DCUN1D5: variants seen among roughly 807,000 people sequenced by gnomAD.
DCUN1D5 encodes DCN1-like protein 5.
A neutral mutation model predicts 38.3 loss-of-function variants in DCUN1D5; 10 were observed. That is an observed-to-expected ratio of 0.26 (90% confidence interval 0.16 to 0.44). The LOEUF (loss-of-function observed/expected upper bound fraction) is 0.44, where lower values mean the gene tolerates loss of function less well. Ranked by LOEUF, DCUN1D5 falls within the 20% of genes least tolerant of loss-of-function variation. The probability of loss-of-function intolerance (pLI) is 1.00; values close to 1 mark genes in which losing one functional copy is unlikely to be tolerated. For synonymous variants in DCUN1D5, 93 were observed against 90.9 expected, an observed-to-expected ratio of 1.02 and a Z score of -0.13; for missense variants, 148 against 275.3, an observed-to-expected ratio of 0.54 and a Z score of 3.27.
At position 103,058,418 on chromosome 11, in the gene DCUN1D5, C is replaced by G. The variant is rs754511432; in HGVS notation, c.*3941G>C. 6.6e-6 allele frequency among the ~76,000 whole-genome samples: 1 copy of G among 152,128 alleles called. No homozygotes were observed. Among genetic ancestry groups the G allele is most frequent in the Admixed American group, 6.5e-5 (1 of 15,268 alleles). ...ATAAATAAATTGTGCTTTAAAAGAT[C>G]TAAAGATTTGTTCCAGTGAAGTACA... On this transcript the variant is annotated 3_prime_UTR_variant, in exon 8 of 8. Transcript: ENST00000260247.
At position 103,059,092 on chromosome 11, in the gene DCUN1D5, T is replaced by A. The variant is rs1482855436; in HGVS notation, c.*3267A>T. ...GATGAATTATCACAATAGTTTTAAG[T>A]ACACTTCTTTAAGAGGGCAGAAGAA... On this transcript the variant is annotated 3_prime_UTR_variant, in exon 8 of 8. Transcript: ENST00000260247. Among the ~76,000 whole-genome samples the A allele has an allele frequency of 1.3e-5, 2 of 152,146 alleles. No individual in the cohort carries two copies. The highest frequency in any genetic ancestry group is 1.9e-4 in the East Asian group (1 of 5,200).
chr11:103,074,515 C>T (rs1333744516), intron 4 of DCUN1D5, among the ~76,000 whole-genome samples: 2 of 152,202 alleles, frequency 1.3e-5, no homozygotes, highest in East Asian at 3.9e-4. Flanking sequence ...AAGCGATTCT[C>T]CTGCCTTAGC....
rs1301161202 is a variant in DCUN1D5 at position 103,052,760 on chromosome 11, G to A, written c.*9599C>T. ...CAAAGATACTTGGAATATTTTTCAT[G>A]TTATTCCAAACACCAACCACTTCTT... On this transcript the variant is annotated 3_prime_UTR_variant, in exon 8 of 8. Transcript: ENST00000260247. 3 of 152,224 alleles carry A rather than the reference G, an allele frequency of 2.0e-5. No individual in the cohort carries two copies. The South Asian group carries it at 6.2e-4, about 32-fold the overall frequency. 9.4% of individuals were successfully genotyped at this position (152,224 alleles called of 1,614,324 possible).
chr11:103,074,107 C>A (rs924994103), intron 4 of DCUN1D5, among the ~76,000 whole-genome samples: 2 of 151,948 alleles, frequency 1.3e-5, no homozygotes, highest in African/African-American at 4.8e-5. Flanking sequence ...AAAGTACACT[C>A]CATAAAAGGA....
Position 103,091,291 on chromosome 11 carries a change from G to A in DCUN1D5, c.86+496C>T, listed in dbSNP as rs1416579771. On this transcript the variant is annotated intron_variant, in intron 1 of 7. Coordinates refer to ENST00000260247, the MANE Select transcript of DCUN1D5 (RefSeq NM_032299.4). The surrounding 1 kb of genome is among the most constrained non-coding windows in gnomAD (Gnocchi z 4.3). ...GGCCACTCCAAATACTAAATATGGA[G>A]GCCAATTATAGCATACAAGTTTTCC... 2.6e-5 allele frequency among the ~76,000 whole-genome samples: 4 copies of A among 152,098 alleles called. No homozygotes were observed. The highest frequency in any genetic ancestry group is 5.9e-5 in the Non-Finnish European group (4 of 68,024).
In DCUN1D5 at chr11:103,073,088, A is replaced by G. The variant is rs1862321525; in HGVS notation, c.342-6521T>C. On this transcript the variant is annotated intron_variant, in intron 4 of 7. Transcript: ENST00000260247. This position sits in a 1 kb window ranked among gnomAD's most constrained non-coding sequence, Gnocchi z 4.2. ...ATAAAAATCAATTGTATTTCTATAT[A>G]TTAGTAATGAACATGTGGACACTAA... 6.6e-6 allele frequency among the ~76,000 whole-genome samples: 1 copy of G among 152,204 alleles called. No individual in the cohort carries two copies. Among genetic ancestry groups the G allele is most frequent in the African/African-American group, 2.4e-5 (1 of 41,456 alleles).
Position 103,059,917 on chromosome 11 carries a change from C to G in DCUN1D5, c.*2442G>C, listed in dbSNP as rs921556994. Among the ~76,000 whole-genome samples, 1 of 152,136 alleles carries G rather than the reference C, an allele frequency of 6.6e-6. No homozygotes were observed. The highest frequency in any genetic ancestry group is 2.4e-5 in the African/African-American group (1 of 41,442). ...GGAAGTAGTTCTGAAAATTTTACAA[C>G]AGGGTTCGTGGGAAGGCACTTAAAG... On this transcript the variant is annotated 3_prime_UTR_variant, in exon 8 of 8. Transcript: ENST00000260247.
Position 103,082,732 on chromosome 11 carries a change from T to A in DCUN1D5, c.341+16A>T. The A allele has an allele frequency of 2.5e-6, 4 of 1,583,820 alleles. 1 individual carries two copies. The South Asian group carries it at 3.4e-5, about 14-fold the overall frequency. Reference sequence around the variant, plus strand: ...CAAATAGGCCATCAAATTTGTTTTTTAAAAAAATTTCTTACTGTAATGAAG... The same window carrying A: ...CAAATAGGCCATCAAATTTGTTTTTAAAAAAAATTTCTTACTGTAATGAAG... On this transcript the variant is annotated intron_variant, in intron 4 of 7. Coordinates refer to ENST00000260247, the MANE Select transcript of DCUN1D5 (RefSeq NM_032299.4).
rs1862275780 is a variant in DCUN1D5 at position 103,071,641 on chromosome 11, A to G, written c.342-5074T>C. On this transcript the variant is annotated intron_variant, in intron 4 of 7. Transcript: ENST00000260247. This position sits in a 1 kb window ranked among gnomAD's most constrained non-coding sequence, Gnocchi z 4.1. The stretch of plus-strand genomic sequence containing the variant: ...TTTTACATAGATATAAAAATTCTAC[A>G]TATGTAACAATTTTTCTACATCAAA... Among the ~76,000 whole-genome samples the G allele has an allele frequency of 6.6e-6, 1 of 150,912 alleles. No individual in the cohort carries two copies. Among genetic ancestry groups the G allele is most frequent in the African/African-American group, 2.4e-5 (1 of 41,290 alleles).
At chr11:103,089,132 C>A (rs1862787356) in intron 2 of DCUN1D5, 95 bp downstream of exon 2, 2 of 1,258,208 alleles carry the variant, frequency 1.6e-6, no homozygotes, top group Non-Finnish European at 2.2e-6. Flanking sequence ...AGCACTAACA[C>A]ATAGCAGGCC....
chr11:103,058,898 G>A lies in DCUN1D5; in HGVS notation c.*3461C>T, dbSNP rs900331071. Among the ~76,000 whole-genome samples, 2 of 151,376 alleles carry A rather than the reference G, an allele frequency of 1.3e-5. No homozygotes were observed. Among genetic ancestry groups the A allele is most frequent in the African/African-American group, 4.9e-5 (2 of 41,174 alleles). ...GGAGTAAGACTTTTGGGTTTTTTTG[G>A]GGGGGGTTTTAATTTTATTTTTTAT... On this transcript the variant is annotated 3_prime_UTR_variant, in exon 8 of 8. Coordinates refer to ENST00000260247, the MANE Select transcript of DCUN1D5 (RefSeq NM_032299.4).
rs571210125 is a variant in DCUN1D5, at chr11:103,064,930, A to T, written c.556-553T>A. Among the ~76,000 whole-genome samples the T allele has an allele frequency of 3.3e-5, 5 of 152,326 alleles. No individual in the cohort carries two copies. The East Asian group carries it at 9.6e-4, about 29-fold the overall frequency. On this transcript the variant is annotated intron_variant, in intron 6 of 7. Coordinates refer to ENST00000260247, the MANE Select transcript of DCUN1D5 (RefSeq NM_032299.4). This position sits in a 1 kb window ranked among gnomAD's most constrained non-coding sequence, Gnocchi z 4.5. The stretch of plus-strand genomic sequence containing the variant: ...TCAAAATGGTATTATAAAGATTTTT[A>T]AAAATATATGCCAAACAACCTGCAC...
At chr11:103,067,835 T>G (rs1165423336) in intron 4 of DCUN1D5, among the ~76,000 whole-genome samples, 1 of 152,194 alleles carries the variant, frequency 6.6e-6, no homozygotes, top group African/African-American at 2.4e-5. Flanking sequence ...GTTTCATTCT[T>G]ACTCTCCTTG....
At chr11:103,069,109 C>T (rs935836589) in intron 4 of DCUN1D5, among the ~76,000 whole-genome samples, 9 of 152,174 alleles carry the variant, frequency 5.9e-5, no homozygotes, top group African/African-American at 2.2e-4. Context: ...CACTCACTCT[C>T]TCCTAGGTAC....
At position 103,052,697 on chromosome 11, in the gene DCUN1D5, A is replaced by G. The variant is rs1861772951; in HGVS notation, c.*9662T>C. The G allele has an allele frequency of 6.6e-6, 1 of 152,198 alleles. No individual in the cohort carries two copies. Among genetic ancestry groups the G allele is most frequent in the Non-Finnish European group, 1.5e-5 (1 of 68,018 alleles). The allele number at this position is 152,198 out of a possible 1,614,324, so 9.4% of individuals were successfully genotyped here. ...GCTCTAGATAATGAATCTAAGATAGAATTATCATAAACCTTATAGTTCTAG... is the reference window on the plus strand; with the variant it reads ...GCTCTAGATAATGAATCTAAGATAGGATTATCATAAACCTTATAGTTCTAG... On this transcript the variant is annotated 3_prime_UTR_variant, in exon 8 of 8. Transcript: ENST00000260247.
At position 103,073,200 on chromosome 11, in the gene DCUN1D5, C is replaced by T. The variant is rs2509117; in HGVS notation, c.342-6633G>A. Among the ~76,000 whole-genome samples the T allele has an allele frequency of 0.32, 48,237 of 151,480 alleles. 8,523 individuals are homozygous for T. Among genetic ancestry groups the T allele is most frequent in the African/African-American group, 0.49 (20,037 of 41,310 alleles). The stretch of plus-strand genomic sequence containing the variant: ...CAAAAGATGTACAGGACGTATATGC[C>T]GAAAACTACACAAAACTGATGAAAA... On this transcript the variant is annotated intron_variant, in intron 4 of 7. Transcript: ENST00000260247. The surrounding 1 kb of genome is among the most constrained non-coding windows in gnomAD (Gnocchi z 4.2).
At position 103,077,312 on chromosome 11, in the gene DCUN1D5, C is replaced by T. The variant is rs1361869357; in HGVS notation, c.341+5436G>A. Among the ~76,000 whole-genome samples the T allele has an allele frequency of 6.6e-6, 1 of 152,154 alleles. No homozygotes were observed. The highest frequency in any genetic ancestry group is 1.5e-5 in the Non-Finnish European group (1 of 68,034). On this transcript the variant is annotated intron_variant, in intron 4 of 7. Coordinates refer to ENST00000260247, the MANE Select transcript of DCUN1D5 (RefSeq NM_032299.4). The surrounding 1 kb of genome is among the most constrained non-coding windows in gnomAD (Gnocchi z 4.3). ...ACCGAAGCAGTTACTAACAGCAATACAATTTTTATATCGAATCTAGCTCCA... is the reference window on the plus strand; with the variant it reads ...ACCGAAGCAGTTACTAACAGCAATATAATTTTTATATCGAATCTAGCTCCA...
chr11:103,076,794 T>C (rs1862417842), intron 4 of DCUN1D5, among the ~76,000 whole-genome samples: 1 of 152,170 alleles, frequency 6.6e-6, no homozygotes, highest in Non-Finnish European at 1.5e-5. Context: ...TTGAGGCAAA[T>C]GGATTAAAAA....
intron 4 of DCUN1D5, chr11:103,080,004 G>A (rs1862515120): frequency 6.6e-6 from 1 of 152,138 alleles, no homozygotes; most frequent in Admixed American, 6.5e-5. Flanking sequence ...AAGCCTATAT[G>A]AATAGAAAAC....
Sources: allele counts gnomAD v4.1 joint callset (sites outside exome capture counted in the v4.1 genomes callset), GRCh38; gene constraint gnomAD v4.1.1; non-coding constraint Gnocchi (gnomAD v3.1); transcripts MANE v1.5; gene names NCBI Gene and HGNC (gene_info 2026-07-23, HGNC 2026-07-21).